The following FRMD4A variants were observed in gnomAD, a reference collection of about 807,000 sequenced individuals.
FRMD4A encodes FERM domain containing 4A, also known as FERM domain-containing protein 4A.
In FRMD4A, 29 loss-of-function variants were observed where a neutral mutation model predicts 129.1. The ratio of observed to expected loss-of-function variants is 0.22; its 90% confidence interval spans 0.17 to 0.31. FRMD4A has a LOEUF of 0.31. Ranked by LOEUF, FRMD4A falls within the 10% of genes least tolerant of loss-of-function variation. FRMD4A has a pLI of 1.00. For synonymous variants in FRMD4A, 634 were observed against 571.6 expected, an observed-to-expected ratio of 1.11 and a Z score of -1.56; for missense variants, 1,272 against 1,375.8, an observed-to-expected ratio of 0.92 and a Z score of 1.19.
chr10:13,854,110 T>A (rs2094180495), intron 3 of FRMD4A, among the ~76,000 whole-genome samples: 1 of 152,138 alleles, frequency 6.6e-6, no homozygotes, highest in Non-Finnish European at 1.5e-5. Flanking sequence ...GAGTCCAGAA[T>A]CTTTCCTACT....
intron 2 of FRMD4A, among the ~76,000 whole-genome samples, chr10:13,952,716 T>C: frequency 6.6e-6 from 1 of 152,074 alleles, no homozygotes; most frequent in East Asian, 1.9e-4. Flanking sequence ...TTTTTTGAGA[T>C]GGAGTCTCAC....
At chr10:13,864,448 T>C (rs2094338168) in intron 2 of FRMD4A, among the ~76,000 whole-genome samples, 1 of 152,094 alleles carries the variant, frequency 6.6e-6, no homozygotes, top group South Asian at 2.1e-4. Flanking sequence ...TATTGCTTCC[T>C]ATCACCCTTT....
intron 2 of FRMD4A, among the ~76,000 whole-genome samples, chr10:13,984,415 T>C (rs905918819): frequency 1.3e-5 from 2 of 152,188 alleles, no homozygotes; most frequent in African/African-American, 4.8e-5. Context: ...TTTACAATTT[T>C]AACCATTTTT....
At chr10:13,667,040 T>C (rs979080911) in intron 17 of FRMD4A, among the ~76,000 whole-genome samples, 1 of 151,684 alleles carries the variant, frequency 6.6e-6, no homozygotes, top group East Asian at 1.9e-4. Context: ...GCCTCCTGAG[T>C]AGATGAGATT....
Position 14,330,784 on chromosome 10 carries a change from A to T in FRMD4A, c.-269T>A. On this transcript the variant is annotated 5_prime_UTR_variant, in exon 1 of 25. Coordinates refer to ENST00000357447, the MANE Select transcript of FRMD4A (RefSeq NM_018027.5). ...GAACTGACCCTTCCACCTTCCCCAG[A>T]TCTACTTTTCCTCTCCAAGTAGACT... The T allele has an allele frequency of 5.0e-6, 2 of 398,722 alleles. No homozygotes were observed. The highest frequency in any genetic ancestry group is 4.4e-6 in the Non-Finnish European group (1 of 226,236). 24.7% of individuals were successfully genotyped at this position (398,722 alleles called of 1,614,324 possible).
In FRMD4A at chr10:14,159,911, G is replaced by T. The variant is rs569290480; in HGVS notation, c.45+170147C>A. The stretch of plus-strand genomic sequence containing the variant: ...CTAAAATACAAAAAATTAGCCAGGC[G>T]TGGTGGTGGGCGCCTGTAATCCCAG... On this transcript the variant is annotated intron_variant, in intron 2 of 24. Transcript: ENST00000357447. Among the ~76,000 whole-genome samples, 5 of 152,202 alleles carry T rather than the reference G, an allele frequency of 3.3e-5. No homozygotes were observed. In the East Asian group the frequency reaches 5.8e-4, roughly 18 times the overall value.
intron 2 of FRMD4A, among the ~76,000 whole-genome samples, chr10:14,234,549 C>A (rs1384002515): frequency 6.6e-6 from 1 of 152,148 alleles, no homozygotes; most frequent in Non-Finnish European, 1.5e-5. Flanking sequence ...TTGGGGACGC[C>A]ATAGCAGGGC....
In FRMD4A at chr10:14,095,003, T is replaced by C. The variant is rs1324178569; in HGVS notation, c.45+235055A>G. Among the ~76,000 whole-genome samples, 4 of 152,228 alleles carry C rather than the reference T, an allele frequency of 2.6e-5. No homozygotes were observed. The East Asian group carries it at 5.8e-4, about 22-fold the overall frequency. On this transcript the variant is annotated intron_variant, in intron 2 of 24. Transcript: ENST00000357447. ...CAAGAGATCCATACATCCATATGCA[T>C]GGATGTATATCTGTGTGTGTGTACA...
At chr10:13,777,892 G>A (rs994704684) in intron 6 of FRMD4A, among the ~76,000 whole-genome samples, 1 of 139,912 alleles carries the variant, frequency 7.1e-6, no homozygotes, top group African/African-American at 2.6e-5. Flanking sequence ...TCAGCCTCCC[G>A]GGTTCGCTCA....
At chr10:13,834,326 C>T (rs2093839649) in intron 3 of FRMD4A, among the ~76,000 whole-genome samples, 1 of 151,886 alleles carries the variant, frequency 6.6e-6, no homozygotes, top group Non-Finnish European at 1.5e-5. Context: ...CAAAACAAAA[C>T]CAAACCAAAA....
chr10:13,971,938 C>T, intron 2 of FRMD4A: 2 of 1,222,402 alleles, frequency 1.6e-6, no homozygotes, highest in Non-Finnish European at 2.1e-6. Flanking sequence ...ACTCTGATTC[C>T]TCTGACTCTC....
At chr10:14,175,593 T>C (rs1224719586) in intron 2 of FRMD4A, among the ~76,000 whole-genome samples, 1 of 150,234 alleles carries the variant, frequency 6.7e-6, no homozygotes, top group Non-Finnish European at 1.5e-5. Context: ...GCAATGATGA[T>C]GGCTCACTGC....
intron 2 of FRMD4A, among the ~76,000 whole-genome samples, chr10:14,091,457 C>G (rs868039358): frequency 6.6e-6 from 1 of 152,052 alleles, no homozygotes; most frequent in Non-Finnish European, 1.5e-5. Context: ...TGTTTTGAGA[C>G]GGAGTCCCAC....
chr10:13,801,161 C>T (rs901945817), intron 4 of FRMD4A, among the ~76,000 whole-genome samples: 12 of 152,086 alleles, frequency 7.9e-5, no homozygotes, highest in Non-Finnish European at 1.2e-4. Context: ...GCAGGAGAAT[C>T]GCTTGAACCT....
intron 18 of FRMD4A, among the ~76,000 whole-genome samples, chr10:13,663,964 C>T (rs1189863546): frequency 6.6e-6 from 1 of 152,246 alleles, no homozygotes; most frequent in Non-Finnish European, 1.5e-5. Flanking sequence ...TCTCAATAAA[C>T]TTTGTAAGTC....
intron 2 of FRMD4A, among the ~76,000 whole-genome samples, chr10:14,289,826 T>A (rs1845796016): frequency 6.6e-6 from 1 of 152,018 alleles, no homozygotes; most frequent in Non-Finnish European, 1.5e-5. Flanking sequence ...TACTACTGTT[T>A]CCAGATGATA....
chr10:13,824,102 A>AAAT (rs1474764553), intron 3 of FRMD4A, among the ~76,000 whole-genome samples: 1 of 152,072 alleles, frequency 6.6e-6, no homozygotes, highest in Non-Finnish European at 1.5e-5. Flanking sequence ...GTTACAGAAA[A>AAAT]AATATTAGTA....
intron 2 of FRMD4A, among the ~76,000 whole-genome samples, chr10:14,124,968 C>T (rs1228749329): frequency 1.3e-5 from 2 of 152,164 alleles, no homozygotes; most frequent in Non-Finnish European, 2.9e-5. Flanking sequence ...GACAGAAAGA[C>T]AGAAGATAGT....
At chr10:13,980,720 TA>T (rs1425851154) in intron 2 of FRMD4A, among the ~76,000 whole-genome samples, 1 of 152,176 alleles carries the variant, frequency 6.6e-6, no homozygotes, top group Non-Finnish European at 1.5e-5. Flanking sequence ...ACCCTGTCCG[TA>T]AAAATCAAAT....
Sources: gnomAD v4.1 joint callset for allele counts (sites outside exome capture counted in the v4.1 genomes callset) on GRCh38, gnomAD v4.1.1 for gene constraint, MANE v1.5 for transcripts, NCBI Gene and HGNC (gene_info 2026-07-23, HGNC 2026-07-21) for gene names.